The following PPARG variants were observed in gnomAD, a reference collection of about 807,000 sequenced individuals.
PPARG encodes peroxisome proliferator-activated receptor gamma.
PPARG carries 17 observed loss-of-function variants against 39.2 expected under a neutral mutation model. The observed-to-expected ratio is 0.43, with a 90% CI of 0.30 to 0.65. The LOEUF is 0.65. PPARG is among the 30% of genes least tolerant of loss of function. The pLI, the probability that PPARG is intolerant of heterozygous loss-of-function variation, is 0.13. For missense variants in PPARG, 406 were observed against 585.9 expected (o/e 0.69, Z 3.17); for synonymous variants, 223 against 215.7 (o/e 1.03, Z -0.30).
At chr3:12,333,036 A>C (rs1184616593) in intron 2 of PPARG, among the ~76,000 whole-genome samples, 2 of 152,188 alleles carry the variant, frequency 1.3e-5, no homozygotes, top group Non-Finnish European at 2.9e-5. Flanking sequence ...GTCTCTAAAA[A>C]TAAAAATTCT....
chr3:12,350,708 T>G lies in PPARG; in HGVS notation c.-8-28996T>G, dbSNP rs536331956. On this transcript the variant is annotated intron_variant, in intron 2 of 7. Coordinates refer to ENST00000651735, the MANE Select transcript of PPARG (RefSeq NM_138711.6). The stretch of plus-strand genomic sequence containing the variant: ...CCAACCTAACAGCGTAAGTCTATTT[T>G]TTTCTGGTGGTGTGTTATTCTTCTC... Among the ~76,000 whole-genome samples the G allele has an allele frequency of 1.1e-4, 17 of 152,328 alleles. No homozygotes were observed. In the South Asian group the frequency reaches 3.3e-3, roughly 30 times the overall value.
intron 5 of PPARG, among the ~76,000 whole-genome samples, chr3:12,400,109 A>AT (rs954506759): frequency 2.7e-4 from 41 of 152,290 alleles, no homozygotes; most frequent in Middle Eastern, 3.4e-3. Context: ...TAGCCTTACT[A>AT]TTTTTCAAAA....
At chr3:12,395,779 C>A (rs1011781227) in intron 5 of PPARG, among the ~76,000 whole-genome samples, 1 of 152,184 alleles carries the variant, frequency 6.6e-6, no homozygotes, top group African/African-American at 2.4e-5. Context: ...TGCTCAGAAG[C>A]CTTCCTGAGT....
chr3:12,316,094 C>T (rs1016923340), intron 2 of PPARG, among the ~76,000 whole-genome samples: 1 of 152,138 alleles, frequency 6.6e-6, no homozygotes, highest in Admixed American at 6.6e-5. Flanking sequence ...TCAATGACAG[C>T]ATTAAGTTGT....
At chr3:12,342,147 C>T (rs1309358472) in intron 2 of PPARG, among the ~76,000 whole-genome samples, 2 of 152,068 alleles carry the variant, frequency 1.3e-5, no homozygotes, top group South Asian at 2.1e-4. Flanking sequence ...ATATTCAAGC[C>T]TAAAATGTTT....
chr3:12,403,494 C>T (rs527460309), intron 5 of PPARG, among the ~76,000 whole-genome samples: 5 of 151,932 alleles, frequency 3.3e-5, no homozygotes, highest in African/African-American at 9.6e-5. Context: ...GGATTAGAGG[C>T]GCACACCACC....
At chr3:12,348,485 G>A (rs539869868) in intron 2 of PPARG, among the ~76,000 whole-genome samples, 85 of 152,268 alleles carry the variant, frequency 5.6e-4, no homozygotes, top group African/African-American at 2.0e-3. Flanking sequence ...ATGAACTGGG[G>A]TAGAGTTAAG....
intron 2 of PPARG, among the ~76,000 whole-genome samples, chr3:12,362,597 C>G (rs1385991205): frequency 6.6e-6 from 1 of 151,816 alleles, no homozygotes; most frequent in African/African-American, 2.4e-5. Flanking sequence ...AAAATACAGT[C>G]ATGTCATCTG....
intron 6 of PPARG, chr3:12,406,532 C>CT (rs10540594): frequency 0.048 from 2,910 of 60,408 alleles, 331 homozygotes; most frequent in African/African-American, 0.053. Flanking sequence ...AGAGTTACCT[C>CT]TTTTTTTTTT....
intron 2 of PPARG, among the ~76,000 whole-genome samples, chr3:12,318,963 TC>T (rs1297958933): frequency 6.6e-6 from 1 of 152,208 alleles, no homozygotes; most frequent in Non-Finnish European, 1.5e-5. Flanking sequence ...CCTTTTATAC[TC>T]CCACTAGACA....
intron 2 of PPARG, among the ~76,000 whole-genome samples, chr3:12,370,818 G>A (rs1393737342): frequency 1.3e-5 from 2 of 152,160 alleles, no homozygotes; most frequent in Non-Finnish European, 2.9e-5. Flanking sequence ...GTATAACACA[G>A]TTGGGGAAAT....
At chr3:12,419,428 G>C (rs910080010) in intron 7 of PPARG, among the ~76,000 whole-genome samples, 3 of 151,872 alleles carry the variant, frequency 2.0e-5, no homozygotes, top group Admixed American at 2.0e-4. Flanking sequence ...AACCAGATTA[G>C]AAAAACAGTT....
At chr3:12,360,374 C>G (rs2048803892) in intron 2 of PPARG, among the ~76,000 whole-genome samples, 1 of 152,106 alleles carries the variant, frequency 6.6e-6, no homozygotes, top group Non-Finnish European at 1.5e-5. Flanking sequence ...AATTCTATGA[C>G]AATCCTTTTA....
At chr3:12,355,699 G>T (rs1419386695) in intron 2 of PPARG, among the ~76,000 whole-genome samples, 1 of 152,098 alleles carries the variant, frequency 6.6e-6, no homozygotes, top group African/African-American at 2.4e-5. Context: ...CCCCAAAGAA[G>T]TATCATTTAC....
chr3:12,424,019 T>C (rs2051353053), intron 7 of PPARG, among the ~76,000 whole-genome samples: 1 of 152,328 alleles, frequency 6.6e-6, no homozygotes, highest in South Asian at 2.1e-4. Flanking sequence ...CTTAGGCCAC[T>C]CCTCTCACCA....
At chr3:12,301,575 T>C (rs1326019938) in intron 1 of PPARG, 1 of 152,164 alleles carries the variant, frequency 6.6e-6, no homozygotes, top group Non-Finnish European at 1.5e-5. Context: ...GCTTTACATA[T>C]ACAAGCAAAG....
chr3:12,312,237 G>A (rs562575689), intron 1 of PPARG, 143 bp from the exon 2 acceptor site: 3 of 152,334 alleles, frequency 2.0e-5, no homozygotes, highest in African/African-American at 7.2e-5. Flanking sequence ...TAGGCTCAGG[G>A]AAAGCAAACA....
At chr3:12,382,193 A>G (rs897340385) in intron 4 of PPARG, among the ~76,000 whole-genome samples, 2 of 152,144 alleles carry the variant, frequency 1.3e-5, no homozygotes, top group African/African-American at 4.8e-5. Context: ...TCCAGCATCA[A>G]TGTGAGCCAC....
intron 7 of PPARG, among the ~76,000 whole-genome samples, chr3:12,417,753 G>A (rs2051111509): frequency 6.6e-6 from 1 of 152,022 alleles, no homozygotes; most frequent in African/African-American, 2.4e-5. Flanking sequence ...AATGTGAACC[G>A]AACACACAAC....
Sources: gnomAD v4.1 joint callset for allele counts (sites outside exome capture counted in the v4.1 genomes callset) on GRCh38, gnomAD v4.1.1 for gene constraint, MANE v1.5 for transcripts, NCBI Gene and HGNC (gene_info 2026-07-23, HGNC 2026-07-21) for gene names.